Variants in FBXW4 observed in about 807,000 individuals in gnomAD.
The protein encoded by FBXW4 is F-box and WD repeat domain containing 4.
Under a neutral mutation model 61.8 loss-of-function variants are expected in FBXW4, and 40 were observed. The ratio of observed to expected loss-of-function variants is 0.65; its 90% CI spans 0.50 to 0.84. The LOEUF (loss-of-function observed/expected upper bound fraction) is 0.84. FBXW4 is among the 40% of genes least tolerant of loss of function. The probability of loss-of-function intolerance (pLI) is 0.00; values close to 1 mark genes in which losing one functional copy is unlikely to be tolerated. For missense variants in FBXW4, 672 were observed against 753.8 expected (o/e 0.89, Z 1.27); for synonymous variants, 311 against 313.8 (o/e 0.99, Z 0.10).
At chr10:101,614,300 G>A (rs1042007338) in intron 6 of FBXW4, among the ~76,000 whole-genome samples, 9 of 152,188 alleles carry the variant, frequency 5.9e-5, no homozygotes, top group Non-Finnish European at 1.3e-4. Flanking sequence ...GGGTTGGGAG[G>A]ACTGAAGCCC....
At position 101,694,483 on chromosome 10, in the gene FBXW4, TG is replaced by T. The variant is rs1310348237; in HGVS notation, c.622del (p.Gln208ArgfsTer19). 3.3e-6 allele frequency: 5 copies of T among 1,529,350 alleles called. No homozygotes were observed. Among genetic ancestry groups the T allele is most frequent in the East Asian group, 5.3e-5 (2 of 37,898 alleles). 94.7% of individuals were successfully genotyped at this position (1,529,350 alleles called of 1,614,324 possible). A position where few individuals can be genotyped will look rare whatever the true frequency, so the allele number is the denominator to read the frequency against. ...GAAGCGCCGCAGCCAGCGGCACACC[TG>T]GGCCAGGCGGCCGAGGGCCCGCATG... ...LDMRALGRLA[Q>X]VCRWLRRFTS... On this transcript the variant is annotated frameshift_variant, in exon 1 of 9. Coordinates refer to ENST00000331272, the MANE Select transcript of FBXW4 (RefSeq NM_022039.4). LOFTEE classifies it high-confidence loss of function. This position sits in a 1 kb window ranked among gnomAD's most constrained non-coding sequence, Gnocchi z 6.0.
At chr10:101,654,028 G>A (rs1337510010) in intron 5 of FBXW4, among the ~76,000 whole-genome samples, 1 of 148,222 alleles carries the variant, frequency 6.7e-6, no homozygotes, top group Non-Finnish European at 1.5e-5. Flanking sequence ...GGCTGAGGCA[G>A]GAGAATCACT....
At chr10:101,675,174 T>G (rs1007652979) in intron 2 of FBXW4, among the ~76,000 whole-genome samples, 7 of 152,236 alleles carry the variant, frequency 4.6e-5, no homozygotes, top group African/African-American at 1.7e-4. Flanking sequence ...ATATATTACA[T>G]GGAACATGTG....
chr10:101,688,133 T>G (rs558338434), intron 1 of FBXW4, among the ~76,000 whole-genome samples: 6 of 152,200 alleles, frequency 3.9e-5, no homozygotes, highest in Non-Finnish European at 8.8e-5. Context: ...GTCTTTTCCA[T>G]CTCTAACTCC....
At chr10:101,637,425 G>C (rs1227291731) in intron 5 of FBXW4, among the ~76,000 whole-genome samples, 4 of 141,002 alleles carry the variant, frequency 2.8e-5, no homozygotes, top group Non-Finnish European at 6.1e-5. Context: ...AAGCCACCAT[G>C]AGCCAGGCAT....
At chr10:101,667,725 G>A (rs1306786266) in intron 5 of FBXW4, among the ~76,000 whole-genome samples, 161 bp downstream of exon 5, 1 of 152,054 alleles carries the variant, frequency 6.6e-6, no homozygotes, top group Non-Finnish European at 1.5e-5. Flanking sequence ...TATATGAAGT[G>A]GCCTAAATAA....
chr10:101,627,291 A>G (rs1418986094), intron 5 of FBXW4, among the ~76,000 whole-genome samples: 1 of 152,150 alleles, frequency 6.6e-6, no homozygotes, highest in African/African-American at 2.4e-5. Context: ...AATCAAGGAG[A>G]AAAAAGAGGG....
In FBXW4 at chr10:101,611,162, T is replaced by C; in HGVS notation, c.*129A>G. On this transcript the variant is annotated 3_prime_UTR_variant, in exon 9 of 9. Coordinates refer to ENST00000331272, the MANE Select transcript of FBXW4 (RefSeq NM_022039.4). The surrounding 1 kb of genome is among the most constrained non-coding windows in gnomAD (Gnocchi z 4.9). ...TCAGAAGCCTCTAGTGCAAGGTGCC[T>C]GAGCACTGGGGTCACAGGCCCAGGA... 7.9e-7 allele frequency: 1 copy of C among 1,264,832 alleles called. No homozygotes were observed. The highest frequency in any genetic ancestry group is 1.1e-6 in the Non-Finnish European group (1 of 913,906). 78.4% of individuals were successfully genotyped at this position (1,264,832 alleles called of 1,614,324 possible). A position where few individuals can be genotyped will look rare whatever the true frequency, so the allele number is the denominator to read the frequency against.
intron 5 of FBXW4, among the ~76,000 whole-genome samples, chr10:101,661,354 GT>G (rs1255142466): frequency 6.6e-6 from 1 of 152,178 alleles, no homozygotes; most frequent in Non-Finnish European, 1.5e-5. Flanking sequence ...GAAATCCAGG[GT>G]CTTGAGGAAT....
chr10:101,691,756 T>C (rs910545172), intron 1 of FBXW4, among the ~76,000 whole-genome samples: 4 of 152,204 alleles, frequency 2.6e-5, no homozygotes. Context: ...GGTTAACTGA[T>C]AATATTCTTT....
chr10:101,647,641 C>A (rs1186842489), intron 5 of FBXW4, among the ~76,000 whole-genome samples: 3 of 152,192 alleles, frequency 2.0e-5, no homozygotes, highest in Non-Finnish European at 4.4e-5. Flanking sequence ...ACCAAAAAGT[C>A]ATTTCATTGG....
At chr10:101,660,504 C>T (rs537513123) in intron 5 of FBXW4, among the ~76,000 whole-genome samples, 85 of 152,260 alleles carry the variant, frequency 5.6e-4, no homozygotes, top group African/African-American at 2.0e-3. Flanking sequence ...CCCCTTCACC[C>T]TCCCGCCTCC....
At chr10:101,630,040 C>T (rs1401509486) in intron 5 of FBXW4, among the ~76,000 whole-genome samples, 1 of 152,204 alleles carries the variant, frequency 6.6e-6, no homozygotes, top group Non-Finnish European at 1.5e-5. Flanking sequence ...CCAGAGCTGT[C>T]ACATCATTCA....
At chr10:101,634,574 G>A (rs2063985119) in intron 5 of FBXW4, among the ~76,000 whole-genome samples, 1 of 148,796 alleles carries the variant, frequency 6.7e-6, no homozygotes, top group South Asian at 2.1e-4. Context: ...TCAGAATAAC[G>A]AATCCAAAGC....
chr10:101,615,193 G>A (rs79134864), intron 6 of FBXW4, among the ~76,000 whole-genome samples: 5 of 152,148 alleles, frequency 3.3e-5, no homozygotes, highest in Admixed American at 6.5e-5. Context: ...GGGGCGAGAG[G>A]GGGGTGCAGA....
At chr10:101,667,390 C>A (rs1279560333) in intron 5 of FBXW4, among the ~76,000 whole-genome samples, 51 of 152,318 alleles carry the variant, frequency 3.3e-4, no homozygotes, top group Middle Eastern at 3.4e-3. Flanking sequence ...ACATACATGT[C>A]TTTGTTTGAG....
chr10:101,692,237 C>T (rs2064612392), intron 1 of FBXW4, among the ~76,000 whole-genome samples: 1 of 151,504 alleles, frequency 6.6e-6, no homozygotes, highest in African/African-American at 2.4e-5. Flanking sequence ...GTATCAGTGA[C>T]ACACAATGAA....
chr10:101,646,191 G>C (rs944054159), intron 5 of FBXW4, among the ~76,000 whole-genome samples: 6 of 152,156 alleles, frequency 3.9e-5, no homozygotes, highest in African/African-American at 1.4e-4. Context: ...TGAGGCCTTG[G>C]GTCCCCTGTC....
rs185328100 is a variant in FBXW4, at chr10:101,635,003, C to T, written c.1236-10193G>A. On this transcript the variant is annotated intron_variant, in intron 5 of 8. Coordinates refer to ENST00000331272, the MANE Select transcript of FBXW4 (RefSeq NM_022039.4). The stretch of plus-strand genomic sequence containing the variant: ...CCCCAGGCCACAGACCTGTACCAGT[C>T]CATGGCCTGTTAGCAACCAGGACGC... Among the ~76,000 whole-genome samples the T allele has an allele frequency of 7.5e-4, 107 of 142,704 alleles. 7 individuals are homozygous for T. Among genetic ancestry groups the T allele is most frequent in the South Asian group, 6.5e-3 (30 of 4,640 alleles). 93.6% of individuals were successfully genotyped at this position (142,704 alleles called of 152,430 possible).
Sources: allele counts gnomAD v4.1 joint callset (sites outside exome capture counted in the v4.1 genomes callset), GRCh38; gene constraint gnomAD v4.1.1; non-coding constraint Gnocchi (gnomAD v3.1); transcripts MANE v1.5; gene names NCBI Gene and HGNC (gene_info 2026-07-23, HGNC 2026-07-21).